CCDC169: variants seen among roughly 807,000 people sequenced by gnomAD.
CCDC169 encodes the protein coiled-coil domain-containing protein 169.
Under a neutral mutation model 36.0 loss-of-function variants are expected in CCDC169, and 30 were observed. The ratio of observed to expected loss-of-function variants is 0.83; its 90% confidence interval spans 0.62 to 1.13. CCDC169 has a LOEUF of 1.13. Among genes scored for constraint, CCDC169 ranks in the 50% most tolerant of loss-of-function variants. CCDC169 has a pLI of 0.00. For synonymous variants in CCDC169, 85 were observed against 81.5 expected (o/e 1.04, Z -0.23); for missense variants, 245 against 245.9 (o/e 1.00, Z 0.03).
chr13:36,226,465 G>A (rs1359824363), downstream of CCDC169: 1 of 152,218 alleles, frequency 6.6e-6, no homozygotes, highest in East Asian at 1.9e-4. Context: ...CTGCTGATCT[G>A]ACAGGAGGTG....
intron 4 of CCDC169, among the ~76,000 whole-genome samples, chr13:36,259,367 C>G (rs1166202944): frequency 1.3e-5 from 2 of 152,120 alleles, no homozygotes; most frequent in Admixed American, 6.6e-5. Flanking sequence ...GCCAGTTGTC[C>G]AAGTTCTTGG....
chr13:36,270,194 C>T (rs767785502), intron 4 of CCDC169, among the ~76,000 whole-genome samples: 1 of 145,480 alleles, frequency 6.9e-6, no homozygotes, highest in Non-Finnish European at 1.5e-5. Flanking sequence ...AACAAAACAA[C>T]AACTAGGAAT....
At chr13:36,244,572 G>A (rs1435793870) in intron 7 of CCDC169, 1 of 152,068 alleles carries the variant, frequency 6.6e-6, no homozygotes, top group Non-Finnish European at 1.5e-5. Flanking sequence ...TGTGCCTTAT[G>A]CCTTTGTTGA....
downstream of CCDC169, among the ~76,000 whole-genome samples, chr13:36,227,577 T>G (rs1869989688): frequency 6.6e-6 from 1 of 152,188 alleles, no homozygotes; most frequent in African/African-American, 2.4e-5. Context: ...TAGGATCATA[T>G]TATTGAGAAA....
rs371059870 is a variant in CCDC169, at chr13:36,283,491, C to T, written c.293G>A (p.Arg98His). The T allele has an allele frequency of 1.5e-5, 23 of 1,549,896 alleles. No homozygotes were observed. Among genetic ancestry groups the T allele is most frequent in the South Asian group, 1.1e-4 (9 of 83,994 alleles). Residue 98 changes from arginine (R) to histidine (H), a missense_variant, in exon 4 of 8, where the codon CGT becomes CAT. Physicochemically the swap from Arg to His is conservative, Grantham distance 29 (BLOSUM62 0). Coordinates refer to ENST00000239859, the MANE Select transcript of CCDC169 (RefSeq NM_001144981.3). ...CACCACTGGCATTCGTTCATAGACA[C>T]GAATAGAAGATAGTCTATCTACAAT... is the stretch of plus-strand genomic sequence containing the variant. ...GNSSDRLSSIRVYERMPVESL... is the reference protein window; with the variant it reads ...GNSSDRLSSIHVYERMPVESL...
intron 7 of CCDC169, 105 bp downstream of exon 7, chr13:36,248,500 TA>T: frequency 9.9e-7 from 1 of 1,015,050 alleles, no homozygotes. Context: ...ATTGTTGCTA[TA>T]AAACCTAGAA....
chr13:36,245,207 G>T (rs547003161), intron 7 of CCDC169, among the ~76,000 whole-genome samples: 11 of 152,132 alleles, frequency 7.2e-5, no homozygotes, highest in Non-Finnish European at 1.5e-4. Flanking sequence ...CTCAGACAAG[G>T]ATTACCTGAG....
Position 36,231,082 on chromosome 13 carries a change from A to G in CCDC169, c.*111T>C. 2 of 1,437,702 alleles carry G rather than the reference A, an allele frequency of 1.4e-6. No individual in the cohort carries two copies. Among genetic ancestry groups the G allele is most frequent in the East Asian group, 2.5e-5 (1 of 39,396 alleles). 89.1% of individuals were successfully genotyped at this position (1,437,702 alleles called of 1,614,324 possible). On this transcript the variant is annotated 3_prime_UTR_variant, in exon 8 of 8. Transcript: ENST00000239859. ...AAAAGGAACTAAAGAAAAATGTGGC[A>G]GTTCTTATCTATTTTATTCCCTGAA...
intron 4 of CCDC169, chr13:36,282,361 T>C: frequency 1.0e-6 from 1 of 984,888 alleles, no homozygotes; most frequent in Non-Finnish European, 1.2e-6. Context: ...AGTTTTGTCC[T>C]TAGCTAAGAG....
chr13:36,291,126 C>T (rs892587126), intron 2 of CCDC169, among the ~76,000 whole-genome samples: 3 of 152,104 alleles, frequency 2.0e-5, no homozygotes, highest in Non-Finnish European at 4.4e-5. Context: ...ATACCTTCCC[C>T]CAATTTGGAG....
intron 7 of CCDC169, chr13:36,244,594 A>G (rs766064949): frequency 3.3e-5 from 5 of 152,138 alleles, no homozygotes; most frequent in Non-Finnish European, 7.3e-5. Context: ...TTTGCTTTGT[A>G]TTCCTTAGCT....
chr13:36,247,234 GGTTACATCCAA>G (rs1487362345), intron 7 of CCDC169, among the ~76,000 whole-genome samples: 1 of 152,126 alleles, frequency 6.6e-6, no homozygotes, highest in African/African-American at 2.4e-5. Context: ...GAATGTACCT[GGTTACATCCAA>G]GAACTCTGTG....
chr13:36,282,440 G>T, intron 4 of CCDC169: 1 of 985,178 alleles, frequency 1.0e-6, no homozygotes, highest in Middle Eastern at 5.2e-4. Context: ...CACTTCTATC[G>T]CTGACTCCTT....
chr13:36,255,196 T>C (rs1442230182), intron 4 of CCDC169, among the ~76,000 whole-genome samples: 1 of 152,122 alleles, frequency 6.6e-6, no homozygotes, highest in Non-Finnish European at 1.5e-5. Context: ...ATACAAGCAG[T>C]TCAAGTTTTC....
intron 1 of CCDC169, among the ~76,000 whole-genome samples, chr13:36,296,335 G>A (rs999056926): frequency 6.6e-6 from 1 of 152,114 alleles, no homozygotes; most frequent in Non-Finnish European, 1.5e-5. Context: ...CTTGTGATCC[G>A]CCCAGCCTCG....
At chr13:36,295,641 T>A (rs1286314989) in intron 2 of CCDC169, 137 bp downstream of exon 2, 14 of 478,146 alleles carry the variant, frequency 2.9e-5, no homozygotes, top group Non-Finnish European at 5.2e-5. Flanking sequence ...TCATAAACTA[T>A]CATTAATGTG....
intron 7 of CCDC169, among the ~76,000 whole-genome samples, chr13:36,234,093 C>T (rs980311343): frequency 6.6e-6 from 1 of 152,114 alleles, no homozygotes; most frequent in African/African-American, 2.4e-5. Context: ...TCTCCCTGCT[C>T]CCAAAACCTT....
At chr13:36,253,420 C>CCT (rs78615603) in intron 6 of CCDC169, among the ~76,000 whole-genome samples, 61,172 of 149,048 alleles carry the variant, frequency 0.41, 13,212 homozygotes, top group Non-Finnish European at 0.48. Flanking sequence ...CTCACTGCAA[C>CCT]CTCTGCCTTC....
rs757511039 is a variant in CCDC169, at chr13:36,230,790, C to G, written c.*403G>C. 2.3e-5 allele frequency: 23 copies of G among 987,344 alleles called. No individual in the cohort carries two copies. In the Admixed American group the frequency reaches 3.7e-4, roughly 16 times the overall value. 61.2% of individuals were successfully genotyped at this position (987,344 alleles called of 1,614,324 possible). A position where few individuals can be genotyped will look rare whatever the true frequency, so the allele number is the denominator to read the frequency against. ...ACTTGATTTTCGGCTTTGTTTAAAC[C>G]TGCAATTTAAAAAACTGAGCAAGAT... On this transcript the variant is annotated 3_prime_UTR_variant, in exon 8 of 8. Coordinates refer to ENST00000239859, the MANE Select transcript of CCDC169 (RefSeq NM_001144981.3).
Sources: allele counts gnomAD v4.1 joint callset (sites outside exome capture counted in the v4.1 genomes callset), GRCh38; gene constraint gnomAD v4.1.1; transcripts MANE v1.5; gene names NCBI Gene and HGNC (gene_info 2026-07-23, HGNC 2026-07-21).